Variants in XYLT1 observed in about 807,000 individuals in gnomAD.
XYLT1 encodes beta-D-xylosyltransferase 1.
A neutral mutation model predicts 91.3 loss-of-function variants in XYLT1; 36 were observed. The ratio of observed to expected loss-of-function variants is 0.39; its 90% CI spans 0.30 to 0.52. The LOEUF (loss-of-function observed/expected upper bound fraction) is 0.52. Ranked by LOEUF, XYLT1 falls within the 20% of genes least tolerant of loss-of-function variation. The pLI is 0.68. For missense variants in XYLT1, 1,242 were observed against 1,284.5 expected (o/e 0.97, Z 0.51); for synonymous variants, 588 against 532.0 (o/e 1.11, Z -1.45).
In XYLT1 at chr16:17,393,442, T is replaced by TC. The variant is rs35954505; in HGVS notation, c.364-35393dup. Reference sequence around the variant, plus strand: ...TATACCCATGAAGTAATTCTCATCATCCCCCCCAACCACCCTCCCACTCTT... The same window carrying TC: ...TATACCCATGAAGTAATTCTCATCATCCCCCCCCAACCACCCTCCCACTCTT... On this transcript the variant is annotated intron_variant, in intron 1 of 11. Transcript: ENST00000261381. Among the ~76,000 whole-genome samples the TC allele has an allele frequency of 2.0e-5, 3 of 151,924 alleles. No homozygotes were observed. The East Asian group carries it at 5.8e-4, about 29-fold the overall frequency.
At chr16:17,141,566 CT>C (rs1459155180) in intron 6 of XYLT1, among the ~76,000 whole-genome samples, 197 bp from the exon 7 acceptor site, 3 of 152,322 alleles carry the variant, frequency 2.0e-5, no homozygotes, top group African/African-American at 7.2e-5. Flanking sequence ...GTATTTACCC[CT>C]ATGACGCAGG....
intron 4 of XYLT1, among the ~76,000 whole-genome samples, chr16:17,200,236 A>C (rs910438733): frequency 5.9e-5 from 9 of 151,784 alleles, no homozygotes; most frequent in Middle Eastern, 3.4e-3. Context: ...AAGAAAAAAA[A>C]CCCCCCAAAA....
chr16:17,117,827 T>G lies in XYLT1; in HGVS notation c.2376A>C (p.Ala792=), dbSNP rs111893236. ...ACTCAATGAGGATGTCGTAGGTGGC[T>G]GCGATGACATTGACGGGATCCACCC... ...VIWVDPVNVI[A]ATYDILIEST... The change falls in exon 11 of 12, where the codon GCA becomes GCC. Residue 792 remains alanine (A), a synonymous_variant. Coordinates refer to ENST00000261381, the MANE Select transcript of XYLT1 (RefSeq NM_022166.4). 6.2e-7 allele frequency: 1 copy of G among 1,614,116 alleles called. No individual in the cohort carries two copies. Among genetic ancestry groups the G allele is most frequent in the Admixed American group, 1.7e-5 (1 of 60,004 alleles).
intron 2 of XYLT1, among the ~76,000 whole-genome samples, chr16:17,311,815 G>A (rs1470681859): frequency 1.1e-5 from 1 of 92,880 alleles, no homozygotes; most frequent in Non-Finnish European, 2.7e-5. Context: ...GAAGGCAAAA[G>A]GCACGTCTTA....
intron 3 of XYLT1, among the ~76,000 whole-genome samples, chr16:17,247,512 T>A (rs1173404687): frequency 6.6e-6 from 1 of 152,200 alleles, no homozygotes; most frequent in African/African-American, 2.4e-5. Context: ...AAATATTTGC[T>A]GGCTAGACCG....
At chr16:17,299,010 CTG>C (rs1041292708) in intron 2 of XYLT1, among the ~76,000 whole-genome samples, 13 of 152,020 alleles carry the variant, frequency 8.6e-5, no homozygotes, top group African/African-American at 3.1e-4. Flanking sequence ...TGCTTATTGT[CTG>C]AATATATTCT....
chr16:17,117,774 G>T lies in XYLT1; in HGVS notation c.2429C>A (p.Pro810His), dbSNP rs748947051. 6.2e-7 allele frequency: 1 copy of T among 1,614,194 alleles called. No individual in the cohort carries two copies. The highest frequency in any genetic ancestry group is 1.7e-5 in the Admixed American group (1 of 60,032). ...ESTAEFTHYKPPLNLPLRPGV... is the reference protein window; with the variant it reads ...ESTAEFTHYKHPLNLPLRPGV... ...AGGCCTCAGGGGCAAGTTCAAAGGG[G>T]GCTTGTAGTGTGTGAATTCGGCAGT... is the stretch of plus-strand genomic sequence containing the variant. Residue 810 changes from proline to histidine, a missense_variant, in exon 11 of 12, where the codon CCC (proline) becomes CAC (histidine). This residue lies in a region of XYLT1 where 511 missense variants were observed against 497.0 expected (regional missense o/e 1.03). Coordinates refer to ENST00000261381, the MANE Select transcript of XYLT1 (RefSeq NM_022166.4).
At chr16:17,232,796 G>C (rs1427303971) in intron 3 of XYLT1, among the ~76,000 whole-genome samples, 3 of 151,944 alleles carry the variant, frequency 2.0e-5, no homozygotes, top group Non-Finnish European at 4.4e-5. Context: ...GGCGGCCTTC[G>C]TCATGGTGTT....
chr16:17,121,988 A>G (rs2030076300), intron 10 of XYLT1, among the ~76,000 whole-genome samples: 1 of 152,118 alleles, frequency 6.6e-6, no homozygotes, highest in Non-Finnish European at 1.5e-5. Context: ...GCGCACACAC[A>G]CACACACACA....
chr16:17,182,686 A>G (rs1379384348), intron 5 of XYLT1, among the ~76,000 whole-genome samples: 1 of 97,290 alleles, frequency 1.0e-5, no homozygotes, highest in Admixed American at 1.6e-4. Flanking sequence ...AATTAGGCAT[A>G]TGTGGGGGGT....
At chr16:17,109,038 T>C (rs767933314) in intron 11 of XYLT1, 21 bp from the exon 12 acceptor site, 4 of 1,495,070 alleles carry the variant, frequency 2.7e-6, no homozygotes, top group Non-Finnish European at 3.6e-6. Context: ...AAGGGAACAA[T>C]TTCAGGATCA....
At chr16:17,308,894 G>A (rs370037508) in intron 2 of XYLT1, among the ~76,000 whole-genome samples, 15 of 152,214 alleles carry the variant, frequency 9.9e-5, no homozygotes, top group Non-Finnish European at 1.3e-4. Context: ...AGCATTTAGC[G>A]CAGTGTCTGG....
At chr16:17,281,644 G>C (rs1024634596) in intron 2 of XYLT1, among the ~76,000 whole-genome samples, 5 of 152,208 alleles carry the variant, frequency 3.3e-5, no homozygotes, top group Admixed American at 6.5e-5. Context: ...AGGGAAATGT[G>C]TAAGTGTTGG....
At chr16:17,275,676 T>C (rs2033962829) in intron 2 of XYLT1, among the ~76,000 whole-genome samples, 1 of 152,162 alleles carries the variant, frequency 6.6e-6, no homozygotes, top group African/African-American at 2.4e-5. Flanking sequence ...CTATACACCT[T>C]CTCTGTCTCT....
At chr16:17,293,240 A>G (rs914745492) in intron 2 of XYLT1, among the ~76,000 whole-genome samples, 1 of 152,138 alleles carries the variant, frequency 6.6e-6, no homozygotes, top group Non-Finnish European at 1.5e-5. Flanking sequence ...ACAGGGTATC[A>G]TGGCATCCCC....
At chr16:17,253,823 T>TGAGAGAGAGAGAGAGAGAGAGA (rs3060128) in intron 3 of XYLT1, among the ~76,000 whole-genome samples, 5 of 114,888 alleles carry the variant, frequency 4.4e-5, no homozygotes, top group Admixed American at 2.7e-4. Context: ...CCTTGCAACT[T>TGAGAGAGAGAGAGAGAGAGAGA]GAGAGAGAGA....
intron 2 of XYLT1, among the ~76,000 whole-genome samples, chr16:17,295,983 T>C (rs1301741420): frequency 6.6e-6 from 1 of 152,160 alleles, no homozygotes; most frequent in Non-Finnish European, 1.5e-5. Context: ...TGGAGGTGTT[T>C]CATCTTCCTC....
rs538950121 is a variant in XYLT1 at position 17,375,406 on chromosome 16, C to T, written c.364-17356G>A. 3.3e-5 allele frequency among the ~76,000 whole-genome samples: 5 copies of T among 151,138 alleles called. No homozygotes were observed. The South Asian group carries it at 6.3e-4, about 19-fold the overall frequency. On this transcript the variant is annotated intron_variant, in intron 1 of 11. Transcript: ENST00000261381. Reference sequence around the variant, plus strand: ...TGTTAACCGGCCCATCCAACAGACCCCTGGGCAAAAACCCTGTCGCAATGC... The same window carrying T: ...TGTTAACCGGCCCATCCAACAGACCTCTGGGCAAAAACCCTGTCGCAATGC...
chr16:17,181,990 T>C (rs1408928673), intron 5 of XYLT1, among the ~76,000 whole-genome samples: 1 of 152,170 alleles, frequency 6.6e-6, no homozygotes, highest in African/African-American at 2.4e-5. Flanking sequence ...CTGCCAGACC[T>C]GAGCCACCAT....
Sources: gnomAD v4.1 joint callset for allele counts (sites outside exome capture counted in the v4.1 genomes callset) on GRCh38, gnomAD v4.1.1 for gene constraint, gnomAD v4.1.1 regional missense constraint, MANE v1.5 for transcripts, NCBI Gene and HGNC (gene_info 2026-07-23, HGNC 2026-07-21) for gene names.